The following UNC5D variants were observed in gnomAD, a reference collection of about 807,000 sequenced individuals.
The protein encoded by UNC5D is netrin receptor UNC5D.
Under a neutral mutation model 105.4 loss-of-function variants are expected in UNC5D, and 39 were observed. The observed-to-expected ratio is 0.37, with a 90% CI of 0.29 to 0.48. UNC5D has a LOEUF of 0.48. UNC5D is among the 20% of genes least tolerant of loss of function. The pLI is 0.98. For synonymous variants in UNC5D, 452 were observed against 450.4 expected (o/e 1.00, Z -0.04); for missense variants, 991 against 1,202.4 (o/e 0.82, Z 2.60).
intron 1 of UNC5D, among the ~76,000 whole-genome samples, chr8:35,519,430 C>T (rs112091230): frequency 4.6e-5 from 7 of 152,004 alleles, no homozygotes; most frequent in African/African-American, 7.2e-5. Flanking sequence ...TAAGCAGTAC[C>T]GAGTAGCTGG....
intron 4 of UNC5D, among the ~76,000 whole-genome samples, chr8:35,604,864 G>A (rs1391501740): frequency 2.0e-5 from 3 of 152,130 alleles, no homozygotes; most frequent in Non-Finnish European, 4.4e-5. Flanking sequence ...CATTCGTCAC[G>A]TAGTTCTCGT....
rs916018398 is a variant in UNC5D at position 35,459,777 on chromosome 8, C to G, written c.104-89515C>G. 2.0e-5 allele frequency among the ~76,000 whole-genome samples: 3 copies of G among 152,244 alleles called. No homozygotes were observed. The East Asian group carries it at 5.8e-4, about 29-fold the overall frequency. The stretch of plus-strand genomic sequence containing the variant: ...AAGCATCTTATTTCAAACTTGGGCC[C>G]TTTCTGTTTCACTAATGAGCCTTGT... On this transcript the variant is annotated intron_variant, in intron 1 of 16. Coordinates refer to ENST00000404895, the MANE Select transcript of UNC5D (RefSeq NM_080872.4).
chr8:35,455,136 T>G (rs1175202307), intron 1 of UNC5D, among the ~76,000 whole-genome samples: 1 of 152,188 alleles, frequency 6.6e-6, no homozygotes, highest in Non-Finnish European at 1.5e-5. Flanking sequence ...TCCATCAACC[T>G]GTCTGTCATC....
At chr8:35,741,716 A>G (rs1829772851) in intron 11 of UNC5D, among the ~76,000 whole-genome samples, 1 of 152,180 alleles carries the variant, frequency 6.6e-6, no homozygotes, top group Admixed American at 6.5e-5. Context: ...CCACTTCAGA[A>G]TGGACTGTCC....
At position 35,695,211 on chromosome 8, in the gene UNC5D, C is replaced by T. The variant is rs140346285; in HGVS notation, c.1084+8502C>T. Among the ~76,000 whole-genome samples the T allele has an allele frequency of 2.5e-3, 385 of 152,264 alleles. 1 individual carries two copies. Among genetic ancestry groups the T allele is most frequent in the African/African-American group, 8.4e-3 (348 of 41,562 alleles). On this transcript the variant is annotated intron_variant, in intron 7 of 16. Transcript: ENST00000404895. ...TGGACAAAAGAATCAATATCCTTTC[C>T]TAGAGCTTCTGATAAGTAGCTGAAT... is the stretch of plus-strand genomic sequence containing the variant.
rs1240513312 is a variant in UNC5D at position 35,673,877 on chromosome 8, C to T, written c.571-9670C>T. The stretch of plus-strand genomic sequence containing the variant: ...AACATTTTAGGACATTAGGATATAT[C>T]GCCACAGCAGGACTTCATGGGTACG... On this transcript the variant is annotated intron_variant, in intron 4 of 16. Transcript: ENST00000404895. Among the ~76,000 whole-genome samples, 13 of 152,132 alleles carry T rather than the reference C, an allele frequency of 8.5e-5. No individual in the cohort carries two copies. The East Asian group carries it at 1.9e-3, about 23-fold the overall frequency.
chr8:35,333,540 C>T (rs1239270775), intron 1 of UNC5D, among the ~76,000 whole-genome samples: 6 of 152,092 alleles, frequency 3.9e-5, no homozygotes, highest in African/African-American at 9.7e-5. Context: ...AGTGCAGTGG[C>T]GCAATCTTGG....
chr8:35,278,957 T>A (rs1254504909), intron 1 of UNC5D, among the ~76,000 whole-genome samples: 1 of 152,170 alleles, frequency 6.6e-6, no homozygotes, highest in Non-Finnish European at 1.5e-5. Context: ...TTTTGTTTAG[T>A]ATGGTGGGTG....
At chr8:35,322,140 A>C (rs2128886704) in intron 1 of UNC5D, among the ~76,000 whole-genome samples, 1 of 152,250 alleles carries the variant, frequency 6.6e-6, no homozygotes, top group South Asian at 2.1e-4. Context: ...AGTCCACATT[A>C]TCATTATGTA....
chr8:35,560,433 A>G (rs1816876104), intron 2 of UNC5D, among the ~76,000 whole-genome samples: 1 of 152,222 alleles, frequency 6.6e-6, no homozygotes, highest in African/African-American at 2.4e-5. Context: ...GTATACACTC[A>G]TGTACTATTA....
chr8:35,314,252 T>C (rs924062809), intron 1 of UNC5D, among the ~76,000 whole-genome samples: 1 of 152,208 alleles, frequency 6.6e-6, no homozygotes, highest in Non-Finnish European at 1.5e-5. Flanking sequence ...AGTATATGGG[T>C]TCTTTCCTTA....
At chr8:35,406,918 T>C (rs767348231) in intron 1 of UNC5D, among the ~76,000 whole-genome samples, 14 of 152,140 alleles carry the variant, frequency 9.2e-5, no homozygotes, top group Non-Finnish European at 1.9e-4. Flanking sequence ...ATGGTATATA[T>C]GGTGCATGTA....
intron 16 of UNC5D, among the ~76,000 whole-genome samples, chr8:35,786,884 A>G (rs1802770759): frequency 6.6e-6 from 1 of 152,170 alleles, no homozygotes; most frequent in African/African-American, 2.4e-5. Context: ...TATACAGCCC[A>G]TGAGCTAAGG....
intron 1 of UNC5D, among the ~76,000 whole-genome samples, chr8:35,314,264 A>G (rs949180445): frequency 1.3e-5 from 2 of 152,168 alleles, no homozygotes; most frequent in Admixed American, 6.5e-5. Flanking sequence ...CTTTCCTTAC[A>G]TATTTCGATC....
intron 1 of UNC5D, among the ~76,000 whole-genome samples, chr8:35,357,720 C>T (rs1801639455): frequency 6.6e-6 from 1 of 152,114 alleles, no homozygotes; most frequent in Non-Finnish European, 1.5e-5. Flanking sequence ...ACCCTCCAGC[C>T]CCCACCATGA....
chr8:35,238,585 G>A (rs1429425072), intron 1 of UNC5D, among the ~76,000 whole-genome samples: 1 of 151,992 alleles, frequency 6.6e-6, no homozygotes, highest in African/African-American at 2.4e-5. Context: ...ATACTGATTT[G>A]TTTTTGTTCT....
intron 16 of UNC5D, among the ~76,000 whole-genome samples, chr8:35,780,432 G>C (rs1319076745): frequency 6.6e-6 from 1 of 152,222 alleles, no homozygotes; most frequent in Non-Finnish European, 1.5e-5. Context: ...TGGATGCAAA[G>C]GAACAGTGAG....
At chr8:35,340,087 G>A (rs527561837) in intron 1 of UNC5D, among the ~76,000 whole-genome samples, 54 of 152,262 alleles carry the variant, frequency 3.5e-4, no homozygotes, top group Admixed American at 1.5e-3. Context: ...TTCAGGAATG[G>A]GTAAAGGCCT....
intron 4 of UNC5D, among the ~76,000 whole-genome samples, chr8:35,631,128 C>G (rs1229553887): frequency 2.0e-5 from 3 of 152,134 alleles, no homozygotes; most frequent in Non-Finnish European, 4.4e-5. Context: ...GCCTGGGCAA[C>G]ACGGTGAAAC....
Sources: allele counts gnomAD v4.1 joint callset (sites outside exome capture counted in the v4.1 genomes callset), GRCh38; gene constraint gnomAD v4.1.1; transcripts MANE v1.5; gene names NCBI Gene and HGNC (gene_info 2026-07-23, HGNC 2026-07-21).